The following DHRSX variants were observed in gnomAD, a reference collection of about 807,000 sequenced individuals.
The protein encoded by DHRSX is dehydrogenase/reductase X-linked, also known as polyprenol dehydrogenase.
Under a neutral mutation model 34.0 loss-of-function variants are expected in DHRSX, and 31 were observed. That is an observed-to-expected ratio of 0.91 (90% CI 0.69 to 1.23). The LOEUF is 1.23. Among genes scored for constraint, DHRSX ranks in the 50% most tolerant of loss-of-function variants. The probability of loss-of-function intolerance (pLI) is 0.00; values close to 1 mark genes in which losing one functional copy is unlikely to be tolerated. For missense variants in DHRSX, 414 were observed against 428.1 expected (o/e 0.97, Z 0.29); for synonymous variants, 201 against 183.8 (o/e 1.09, Z -0.76).
chrX:2,306,357 T>A (rs1165938488), intron 3 of DHRSX, among the ~76,000 whole-genome samples: 1 of 151,984 alleles, frequency 6.6e-6, no homozygotes, highest in African/African-American at 2.4e-5. Context: ...GGCAGAATGC[T>A]CACTGGGTGC....
chrX:2,304,053 ATGGATGGATGGGTGGATGGATGGATGGG>A (rs2042059328), intron 3 of DHRSX, among the ~76,000 whole-genome samples: 1 of 117,588 alleles, frequency 8.5e-6, no homozygotes, highest in Non-Finnish European at 1.9e-5. Context: ...GGATGGATGG[ATGGATGGATGGGTGGATGGATGGATGGG>A]TGGGTGGGTG....
chrX:2,415,959 T>A (rs1021467056), intron 2 of DHRSX, among the ~76,000 whole-genome samples: 4 of 150,202 alleles, frequency 2.7e-5, no homozygotes, highest in African/African-American at 9.8e-5. Flanking sequence ...TACAACTAGT[T>A]CTCATCATGA....
At chrX:2,485,789 A>AGAAGGGAGAGAAG (rs2044895886) in intron 1 of DHRSX, among the ~76,000 whole-genome samples, 2 of 25,758 alleles carry the variant, frequency 7.8e-5, no homozygotes, top group Non-Finnish European at 1.3e-4. Context: ...GAAAAGGGAG[A>AGAAGGGAGAGAAG]GAAGGGAGAG....
chrX:2,342,262 AG>A (rs2042650423), intron 3 of DHRSX, among the ~76,000 whole-genome samples: 1 of 152,114 alleles, frequency 6.6e-6, no homozygotes, highest in African/African-American at 2.4e-5. Context: ...GTTTCTGAAT[AG>A]GAGTCTGATA....
At chrX:2,323,261 C>T (rs1316180888) in intron 3 of DHRSX, among the ~76,000 whole-genome samples, 1 of 152,110 alleles carries the variant, frequency 6.6e-6, no homozygotes, top group Non-Finnish European at 1.5e-5. Context: ...AGCTATTCTG[C>T]CTTGTAGAGA....
chrX:2,405,538 G>A (rs1461650487), intron 3 of DHRSX, among the ~76,000 whole-genome samples: 1 of 151,910 alleles, frequency 6.6e-6, no homozygotes, highest in Admixed American at 6.6e-5. Context: ...AGGCACAGTG[G>A]CTCACACCTA....
intron 3 of DHRSX, among the ~76,000 whole-genome samples, chrX:2,354,751 C>T (rs1231078245): frequency 5.9e-5 from 9 of 152,068 alleles, no homozygotes; most frequent in Non-Finnish European, 1.0e-4. Context: ...TAAGCCACTG[C>T]GCTCGGCCTC....
At chrX:2,430,195 C>T (rs73173787) in intron 1 of DHRSX, among the ~76,000 whole-genome samples, 5 of 146,344 alleles carry the variant, frequency 3.4e-5, no homozygotes, top group East Asian at 4.0e-4. Context: ...TCCCTGAAAA[C>T]GCACAGTGAG....
At chrX:2,231,591 C>CTCT (rs1259332890) in intron 6 of DHRSX, among the ~76,000 whole-genome samples, 1 of 80,792 alleles carries the variant, frequency 1.2e-5, no homozygotes, top group Admixed American at 1.3e-4. Context: ...TCGTATCCTC[C>CTCT]TTTTTCTTTT....
At chrX:2,413,949 G>A (rs1192408066) in intron 2 of DHRSX, among the ~76,000 whole-genome samples, 3 of 151,484 alleles carry the variant, frequency 2.0e-5, no homozygotes, top group African/African-American at 4.9e-5. Context: ...GTATCTTTAT[G>A]ACCAACCCAA....
chrX:2,268,439 T>C (rs1286835486), intron 4 of DHRSX, among the ~76,000 whole-genome samples: 1 of 152,260 alleles, frequency 6.6e-6, no homozygotes, highest in Non-Finnish European at 1.5e-5. Context: ...TCTATTCATA[T>C]ACATATATGC....
At chrX:2,435,492 A>G (rs1232200065) in intron 1 of DHRSX, among the ~76,000 whole-genome samples, 2 of 151,066 alleles carry the variant, frequency 1.3e-5, no homozygotes, top group East Asian at 3.9e-4. Flanking sequence ...GGCAGGAAGC[A>G]GTGGGTCACA....
At chrX:2,310,690 G>A (rs769053025) in intron 3 of DHRSX, among the ~76,000 whole-genome samples, 389 of 151,340 alleles carry the variant, frequency 2.6e-3, no homozygotes, top group Non-Finnish European at 4.7e-3. Flanking sequence ...ACAGAGGGAG[G>A]AAAGAGACAG....
At chrX:2,439,575 T>C (rs752124657) in intron 1 of DHRSX, among the ~76,000 whole-genome samples, 2 of 152,268 alleles carry the variant, frequency 1.3e-5, no homozygotes, top group African/African-American at 4.8e-5. Flanking sequence ...TACACTGTAA[T>C]AGAGAATGAA....
chrX:2,237,864 T>A (rs757388464), intron 6 of DHRSX, among the ~76,000 whole-genome samples: 2 of 152,046 alleles, frequency 1.3e-5, no homozygotes, highest in Non-Finnish European at 2.9e-5. Context: ...AGAGAGGTAA[T>A]AGCCACGTTC....
rs142157684 is a variant in DHRSX, at chrX:2,427,138, C to T, written c.110-1834G>A. 1.1e-3 allele frequency among the ~76,000 whole-genome samples: 173 copies of T among 152,236 alleles called. 2 individuals are homozygous for T. Among genetic ancestry groups the T allele is most frequent in the African/African-American group, 3.2e-3 (132 of 41,546 alleles). ...GAAAGGGAGAAGCAGTGATTCTGGA[C>T]GGAGGGTTAGAGAACAATCTTCCAA... On this transcript the variant is annotated intron_variant, in intron 1 of 6. Coordinates refer to ENST00000334651, the MANE Select transcript of DHRSX (RefSeq NM_145177.3).
intron 3 of DHRSX, among the ~76,000 whole-genome samples, chrX:2,368,014 G>C (rs144264704): frequency 0.022 from 3,417 of 152,122 alleles, 61 homozygotes; most frequent in Non-Finnish European, 0.039. Context: ...AGGCCGAGGA[G>C]GGTGGATCAC....
intron 1 of DHRSX, among the ~76,000 whole-genome samples, chrX:2,455,259 T>C (rs1182629251): frequency 1.2e-4 from 18 of 151,702 alleles, no homozygotes; most frequent in Admixed American, 1.1e-3. Context: ...TACCCGTGGA[T>C]ATAAAGAAGG....
At chrX:2,366,052 G>A (rs1029557070) in intron 3 of DHRSX, among the ~76,000 whole-genome samples, 6 of 152,148 alleles carry the variant, frequency 3.9e-5, no homozygotes, top group South Asian at 2.1e-4. Flanking sequence ...TTCACCACAC[G>A]GCCAATTTAT....
Sources: allele counts gnomAD v4.1 joint callset (sites outside exome capture counted in the v4.1 genomes callset), GRCh38; gene constraint gnomAD v4.1.1; transcripts MANE v1.5; gene names NCBI Gene and HGNC (gene_info 2026-07-23, HGNC 2026-07-21).